Variants in WASHC2C observed in about 807,000 individuals in gnomAD.
WASHC2C encodes the protein Vaccinia Penetration Factor.
WASHC2C carries 73 observed loss-of-function variants against 142.2 expected under a neutral mutation model. The observed-to-expected ratio is 0.51, with a 90% CI of 0.43 to 0.62. The LOEUF (loss-of-function observed/expected upper bound fraction) is 0.62. Among genes scored for constraint, WASHC2C ranks in the 20% least tolerant of loss-of-function variants. The pLI is 0.00. For synonymous variants in WASHC2C, 337 were observed against 565.5 expected (o/e 0.60, Z 5.73); for missense variants, 969 against 1,531.7 (o/e 0.63, Z 6.13).
Position 45,789,097 on chromosome 10 carries a change from G to A in WASHC2C, c.3314G>A (p.Gly1105Asp), listed in dbSNP as rs1206593370. The A allele has an allele frequency of 2.5e-6, 4 of 1,611,970 alleles. No homozygotes were observed. The highest frequency in any genetic ancestry group is 3.4e-6 in the Non-Finnish European group (4 of 1,179,880). Reference sequence around the variant, plus strand: ...GCAGCTGCCGCTGCACCTTGGGAAGGTGGTCCTGTGCCTGGAGTGGACACA... The same window carrying A: ...GCAGCTGCCGCTGCACCTTGGGAAGATGGTCCTGTGCCTGGAGTGGACACA... Reference protein sequence around the residue: ...ALAAAAAPWEGGPVPGVDTSP... With the variant: ...ALAAAAAPWEDGPVPGVDTSP... The change falls in exon 29 of 31, where the codon GGT becomes GAT. Residue 1105 changes from glycine to aspartate, a missense_variant. Transcript: ENST00000623400.
intron 28 of WASHC2C, 142 bp from the exon 29 acceptor site, chr10:45,788,729 C>A: frequency 1.5e-6 from 2 of 1,330,272 alleles, no homozygotes; most frequent in Non-Finnish European, 2.1e-6. Context: ...TAAGAAATAA[C>A]CTCTTCTATG....
chr10:45,744,700 G>C (rs1191926031), intron 6 of WASHC2C, 121 bp from the exon 7 acceptor site: 33 of 535,894 alleles, frequency 6.2e-5, no homozygotes, highest in African/African-American at 6.0e-4. Flanking sequence ...ATTCCAGTAA[G>C]TGGGTATAGA....
chr10:45,733,603 C>T (rs1280487510), intron 3 of WASHC2C, among the ~76,000 whole-genome samples: 1 of 152,252 alleles, frequency 6.6e-6, no homozygotes, highest in African/African-American at 2.4e-5. Context: ...CTTGAGGATG[C>T]ATAGTCCTGC....
Position 45,777,357 on chromosome 10 carries a change from G to T in WASHC2C, c.2227G>T (p.Asp743Tyr), listed in dbSNP as rs2057184181. Residue 743 changes from aspartate to tyrosine, a missense_variant, in exon 22 of 31, where the codon GAT becomes TAT. Physicochemically the swap from Asp to Tyr is radical, Grantham distance 160 (BLOSUM62 -3). Transcript: ENST00000623400. ...GGCACAACTTGGAGTGAAGTCTGTGGATAAGAAGGTTGAGAGTGCCAAGGA... is the reference window on the plus strand; with the variant it reads ...GGCACAACTTGGAGTGAAGTCTGTGTATAAGAAGGTTGAGAGTGCCAAGGA... ...KEAQLGVKSV[D>Y]KKVESAKESL... 8.1e-6 allele frequency: 13 copies of T among 1,609,154 alleles called. No homozygotes were observed. Among genetic ancestry groups the T allele is most frequent in the African/African-American group, 1.4e-5 (1 of 73,328 alleles).
At chr10:45,751,430 T>C (rs1322585682) in intron 10 of WASHC2C, 52 bp from the exon 11 acceptor site, 58 of 867,112 alleles carry the variant, frequency 6.7e-5, no homozygotes, top group South Asian at 1.0e-4. Context: ...AACCAGGATG[T>C]GTATACTGAG....
intron 20 of WASHC2C, chr10:45,771,612 C>T (rs2056598177): frequency 2.1e-6 from 2 of 964,388 alleles, no homozygotes; most frequent in East Asian, 1.2e-4. Flanking sequence ...CACACCATAC[C>T]TGGCTTTCAG....
At chr10:45,764,019 T>G (rs1361948881) in intron 18 of WASHC2C, among the ~76,000 whole-genome samples, 1 of 152,070 alleles carries the variant, frequency 6.6e-6, no homozygotes, top group East Asian at 1.9e-4. Context: ...ACAGTTCTTA[T>G]GGAGTGAAAT....
Position 45,727,277 on chromosome 10 carries a change from T to C in WASHC2C, c.-41T>C, listed in dbSNP as rs1319540071. 1.9e-6 allele frequency: 3 copies of C among 1,549,524 alleles called. No individual in the cohort carries two copies. The highest frequency in any genetic ancestry group is 2.6e-6 in the Non-Finnish European group (3 of 1,148,606). Reference sequence around the variant, plus strand: ...TTCCGGGGCTCTGCGGTCCTCGGCCTGTGCTGGCAGCCTCGGAGCCCACCG... The same window carrying C: ...TTCCGGGGCTCTGCGGTCCTCGGCCCGTGCTGGCAGCCTCGGAGCCCACCG... On this transcript the variant is annotated 5_prime_UTR_variant, in exon 1 of 31. Transcript: ENST00000623400.
Position 45,743,383 on chromosome 10 carries a change from T to C in WASHC2C, c.529-7T>C. On this transcript the variant is annotated splice_polypyrimidine_tract_variant and splice_region_variant and intron_variant, in intron 5 of 30. Coordinates refer to ENST00000623400, the MANE Select transcript of WASHC2C (RefSeq NM_001330074.2). ...GTTTGACAGCCTATTCCTTTCATCA[T>C]GTACAGGATCTATACATTGATCGTC... is the stretch of plus-strand genomic sequence containing the variant. The C allele has an allele frequency of 1.2e-6, 2 of 1,612,004 alleles. No individual in the cohort carries two copies. The highest frequency in any genetic ancestry group is 2.7e-5 in the African/African-American group (2 of 74,974).
intron 3 of WASHC2C, among the ~76,000 whole-genome samples, chr10:45,736,350 G>A (rs2051246173): frequency 1.5e-5 from 2 of 130,342 alleles, no homozygotes; most frequent in South Asian, 5.4e-4. Context: ...AGCTTGCAGT[G>A]AGCCGAGATC....
rs373595648 is a variant in WASHC2C, at chr10:45,746,674, T to C, written c.732+27T>C. 4.8e-4 allele frequency: 777 copies of C among 1,611,618 alleles called. 1 individual carries two copies. The African/African-American group carries it at 9.3e-3, about 19-fold the overall frequency. On this transcript the variant is annotated intron_variant, in intron 8 of 30. Coordinates refer to ENST00000623400, the MANE Select transcript of WASHC2C (RefSeq NM_001330074.2). The stretch of plus-strand genomic sequence containing the variant: ...TAAGGCTCATATATTGAAATGACTT[T>C]GTTTTTACATTTTAATTGAAGCATA...
In WASHC2C at chr10:45,752,602, T is replaced by A; in HGVS notation, c.1018T>A (p.Leu340Ile). Residue 340 changes from leucine (L) to isoleucine (I), a missense_variant, in exon 12 of 31, where the codon TTA becomes ATA. Physicochemically the swap from Leu to Ile is conservative, Grantham distance 5. Coordinates refer to ENST00000623400, the MANE Select transcript of WASHC2C (RefSeq NM_001330074.2). ...RTPSDDEEDNLFAPPKLTDED... is the reference protein window; with the variant it reads ...RTPSDDEEDNIFAPPKLTDED... ...CTGTTTGCTAGATGAAGAGGATAAC[T>A]TATTCGCACCCCCCAAGCTGACCGA... 1 of 1,609,064 alleles carries A rather than the reference T, an allele frequency of 6.2e-7. No homozygotes were observed. Among genetic ancestry groups the A allele is most frequent in the African/African-American group, 1.3e-5 (1 of 74,338 alleles).
rs1473460564 is a variant in WASHC2C, at chr10:45,757,077, G to A, written c.1486G>A (p.Val496Ile). ...EEGDLFKEKA[V>I]ASPEATVSQT... The stretch of plus-strand genomic sequence containing the variant: ...AGGAGATCTGTTCAAAGAAAAAGCC[G>A]TAGCATCGCCAGAAGCCACTGTGAG... Residue 496 changes from valine to isoleucine, a missense_variant, in exon 16 of 31, where the codon GTA becomes ATA. Val to Ile is a conservative substitution (Grantham distance 29). Coordinates refer to ENST00000623400, the MANE Select transcript of WASHC2C (RefSeq NM_001330074.2). The A allele has an allele frequency of 1.1e-5, 18 of 1,608,514 alleles. No homozygotes were observed. The highest frequency in any genetic ancestry group is 1.0e-4 in the Admixed American group (6 of 59,518).
At chr10:45,762,897 C>T (rs1293533113) in intron 17 of WASHC2C, among the ~76,000 whole-genome samples, 1 of 152,058 alleles carries the variant, frequency 6.6e-6, no homozygotes, top group African/African-American at 2.4e-5. Flanking sequence ...CAGAGCGAGA[C>T]TCTGCCTCAA....
chr10:45,763,822 C>T (rs1228216807), intron 18 of WASHC2C, among the ~76,000 whole-genome samples: 1 of 152,022 alleles, frequency 6.6e-6, no homozygotes, highest in Non-Finnish European at 1.5e-5. Flanking sequence ...CTGCCTCGAC[C>T]TCCCAAGTAG....
Position 45,792,380 on chromosome 10 carries a change from A to G in WASHC2C, c.4006A>G (p.Asn1336Asp), listed in dbSNP as rs2058440950. 1 of 1,565,232 alleles carries G rather than the reference A, an allele frequency of 6.4e-7. No individual in the cohort carries two copies. Among genetic ancestry groups the G allele is most frequent in the African/African-American group, 1.4e-5 (1 of 72,696 alleles). The change falls in exon 31 of 31, where the codon AAT (asparagine) becomes GAT (aspartate). Residue 1336 changes from asparagine to aspartate, a missense_variant. Coordinates refer to ENST00000623400, the MANE Select transcript of WASHC2C (RefSeq NM_001330074.2). ...KVSNIFDDPL[N>D]AFGGQ ...GTCCAACATCTTTGATGATCCCCTG[A>G]ATGCCTTTGGAGGCCAGTAGAGCAC...
At chr10:45,761,325 G>A (rs1290423722) in intron 17 of WASHC2C, among the ~76,000 whole-genome samples, 5 of 152,158 alleles carry the variant, frequency 3.3e-5, no homozygotes, top group Non-Finnish European at 4.4e-5. Context: ...AGGCCATGTC[G>A]CCTTCTGTGT....
chr10:45,789,643 C>G (rs2058277285), intron 29 of WASHC2C, among the ~76,000 whole-genome samples, 152 bp downstream of exon 29: 1 of 152,242 alleles, frequency 6.6e-6, no homozygotes, highest in South Asian at 2.1e-4. Flanking sequence ...ATTAATAAGT[C>G]TAACATTGAT....
At chr10:45,788,238 A>G (rs11239604) in intron 28 of WASHC2C, among the ~76,000 whole-genome samples, 2,106 of 152,358 alleles carry the variant, frequency 0.014, 24 homozygotes, top group Non-Finnish European at 0.024. Context: ...TATTTTGGAA[A>G]CTATCATAAA....
Sources: allele counts gnomAD v4.1 joint callset (sites outside exome capture counted in the v4.1 genomes callset), GRCh38; gene constraint gnomAD v4.1.1; transcripts MANE v1.5; gene names NCBI Gene and HGNC (gene_info 2026-07-23, HGNC 2026-07-21).